Variants in NEGR1 observed in about 807,000 individuals in gnomAD.
The protein encoded by NEGR1 is IgLON family member 4.
NEGR1 carries 10 observed loss-of-function variants against 40.9 expected under a neutral mutation model. The observed-to-expected ratio is 0.24, with a 90% CI of 0.15 to 0.42. The LOEUF is 0.42. Ranked by LOEUF, NEGR1 falls within the 10% of genes least tolerant of loss-of-function variation. The pLI is 1.00. For synonymous variants in NEGR1, 185 were observed against 166.8 expected (o/e 1.11, Z -0.84); for missense variants, 352 against 438.9 (o/e 0.80, Z 1.77).
intron 6 of NEGR1, among the ~76,000 whole-genome samples, chr1:71,535,447 T>C (rs1018968903): frequency 1.2e-4 from 18 of 151,736 alleles, no homozygotes; most frequent in Admixed American, 3.3e-4. Context: ...CATTGTCTCA[T>C]AGAAAGGCTT....
intron 1 of NEGR1, among the ~76,000 whole-genome samples, chr1:72,119,159 G>T (rs193078513): frequency 1.3e-5 from 2 of 151,874 alleles, no homozygotes; most frequent in African/African-American, 2.4e-5. Flanking sequence ...TTACTACTAT[G>T]TCAGACATTA....
intron 6 of NEGR1, among the ~76,000 whole-genome samples, chr1:71,494,737 T>A (rs2101391160): frequency 6.6e-6 from 1 of 152,230 alleles, no homozygotes; most frequent in South Asian, 2.1e-4. Flanking sequence ...TTGGTCAAAC[T>A]CACCACACAG....
At chr1:71,435,309 G>T (rs1031067198) in intron 6 of NEGR1, among the ~76,000 whole-genome samples, 8 of 152,086 alleles carry the variant, frequency 5.3e-5, no homozygotes, top group Admixed American at 5.2e-4. Flanking sequence ...ATTGGCAAAA[G>T]GAAGGTGAAG....
chr1:71,681,422 G>A (rs1159073265), intron 4 of NEGR1, among the ~76,000 whole-genome samples: 2 of 152,174 alleles, frequency 1.3e-5, no homozygotes, highest in African/African-American at 4.8e-5. Context: ...GTATTACTAT[G>A]ATTCTGTCTT....
chr1:71,517,484 T>C (rs1164520783), intron 6 of NEGR1, among the ~76,000 whole-genome samples: 1 of 112,402 alleles, frequency 8.9e-6, no homozygotes, highest in Non-Finnish European at 1.7e-5. Flanking sequence ...ACCACATGAT[T>C]ATCTCAATAG....
intron 6 of NEGR1, among the ~76,000 whole-genome samples, chr1:71,532,718 C>T (rs866075179): frequency 9.2e-5 from 14 of 151,524 alleles, no homozygotes; most frequent in African/African-American, 3.4e-4. Context: ...GGACATATCA[C>T]AGATAGACGA....
At chr1:71,774,168 G>A (rs1367549302) in intron 3 of NEGR1, among the ~76,000 whole-genome samples, 1 of 152,176 alleles carries the variant, frequency 6.6e-6, no homozygotes, top group Non-Finnish European at 1.5e-5. Context: ...ATTTTTGAAA[G>A]TAGGAAACTA....
intron 1 of NEGR1, among the ~76,000 whole-genome samples, chr1:72,245,554 A>G (rs1308859970): frequency 1.3e-5 from 2 of 152,168 alleles, no homozygotes; most frequent in Non-Finnish European, 2.9e-5. Context: ...GCAAATTCTC[A>G]ACTAGGCATC....
intron 4 of NEGR1, among the ~76,000 whole-genome samples, chr1:71,643,993 A>T (rs1651442835): frequency 1.3e-5 from 2 of 151,962 alleles, no homozygotes; most frequent in Non-Finnish European, 2.9e-5. Context: ...AGAAACCCCA[A>T]GTAATGGAGG....
chr1:71,863,443 T>C (rs1160285871), intron 2 of NEGR1, among the ~76,000 whole-genome samples: 2 of 151,906 alleles, frequency 1.3e-5, no homozygotes, highest in Non-Finnish European at 2.9e-5. Context: ...CTGGGACCTA[T>C]TGGGGGAGTT....
At chr1:71,434,988 G>A (rs1646498072) in intron 6 of NEGR1, among the ~76,000 whole-genome samples, 1 of 152,018 alleles carries the variant, frequency 6.6e-6, no homozygotes, top group Non-Finnish European at 1.5e-5. Context: ...CTACTCGGGA[G>A]GCTGAGGCAG....
intron 1 of NEGR1, among the ~76,000 whole-genome samples, chr1:72,198,785 G>C (rs1219146579): frequency 2.0e-5 from 3 of 151,906 alleles, no homozygotes; most frequent in African/African-American, 7.2e-5. Context: ...ACTTAAACAA[G>C]AATGTGATAT....
intron 6 of NEGR1, chr1:71,408,622 G>C (rs934086293): frequency 2.6e-5 from 4 of 151,840 alleles, no homozygotes; most frequent in Admixed American, 2.0e-4. Context: ...AAATGTTACA[G>C]CCGTGCTTGG....
At chr1:71,665,656 C>T (rs1357522348) in intron 4 of NEGR1, among the ~76,000 whole-genome samples, 1 of 152,130 alleles carries the variant, frequency 6.6e-6, no homozygotes, top group African/African-American at 2.4e-5. Context: ...CTTCACTAAA[C>T]TCTTAACCAT....
intron 2 of NEGR1, among the ~76,000 whole-genome samples, chr1:71,839,449 G>A (rs908015317): frequency 3.3e-5 from 5 of 151,534 alleles, no homozygotes; most frequent in African/African-American, 7.3e-5. Flanking sequence ...GACCTCAGGC[G>A]ATCCACCCAC....
chr1:71,696,348 T>A (rs994645937), intron 4 of NEGR1, among the ~76,000 whole-genome samples: 1 of 151,682 alleles, frequency 6.6e-6, no homozygotes, highest in Non-Finnish European at 1.5e-5. Context: ...GGAGTATAGG[T>A]CCCATGCAAA....
rs902309724 is a variant in NEGR1 at position 71,634,010 on chromosome 1, A to G, written c.668-22864T>C. 2.0e-5 allele frequency among the ~76,000 whole-genome samples: 3 copies of G among 152,180 alleles called. No homozygotes were observed. The South Asian group carries it at 6.2e-4, about 32-fold the overall frequency. On this transcript the variant is annotated intron_variant, in intron 4 of 6. Coordinates refer to ENST00000357731, the MANE Select transcript of NEGR1 (RefSeq NM_173808.3). Reference sequence around the variant, plus strand: ...GGAGAAAAAATTCACATTCATAGATATAGGTTTTGGGATGGATCCATTGTT... The same window carrying G: ...GGAGAAAAAATTCACATTCATAGATGTAGGTTTTGGGATGGATCCATTGTT...
chr1:72,130,536 C>T (rs1280613164), intron 1 of NEGR1, among the ~76,000 whole-genome samples: 1 of 152,032 alleles, frequency 6.6e-6, no homozygotes, highest in Non-Finnish European at 1.5e-5. Context: ...GCGTTTAGTG[C>T]TTTTTTGGAA....
At chr1:72,246,537 C>T (rs910392190) in intron 1 of NEGR1, among the ~76,000 whole-genome samples, 9 of 152,180 alleles carry the variant, frequency 5.9e-5, no homozygotes, top group South Asian at 2.1e-4. Flanking sequence ...AAACTTTGAC[C>T]ACCTTAAGAA....
Sources: allele counts gnomAD v4.1 joint callset (sites outside exome capture counted in the v4.1 genomes callset), GRCh38; gene constraint gnomAD v4.1.1; transcripts MANE v1.5; gene names NCBI Gene and HGNC (gene_info 2026-07-23, HGNC 2026-07-21).